ALPK1: variants seen among roughly 807,000 people sequenced by gnomAD.
ALPK1 encodes the protein alpha kinase 1.
ALPK1 carries 110 observed loss-of-function variants against 120.6 expected under a neutral mutation model. The ratio of observed to expected loss-of-function variants is 0.91; its 90% CI spans 0.78 to 1.07. The LOEUF is 1.07. ALPK1 is among the 50% of genes least tolerant of loss of function. The pLI, the probability that ALPK1 is intolerant of heterozygous loss-of-function variation, is 0.00. For synonymous variants in ALPK1, 582 were observed against 560.3 expected (o/e 1.04, Z -0.55); for missense variants, 1,498 against 1,483.9 (o/e 1.01, Z -0.16).
chr4:112,429,521 A>C (rs1357117874), intron 10 of ALPK1, among the ~76,000 whole-genome samples: 3 of 152,026 alleles, frequency 2.0e-5, no homozygotes, highest in African/African-American at 7.2e-5. Flanking sequence ...CATCAAAATC[A>C]CCCAAGGAAC....
intron 2 of ALPK1, among the ~76,000 whole-genome samples, chr4:112,325,692 T>G (rs1729085653): frequency 1.3e-5 from 2 of 152,182 alleles, no homozygotes; most frequent in South Asian, 4.1e-4. Flanking sequence ...TGCCTTCCAG[T>G]CTTCATGAGC....
intron 2 of ALPK1, among the ~76,000 whole-genome samples, chr4:112,371,087 AC>A (rs1267130956): frequency 6.6e-6 from 1 of 152,172 alleles, no homozygotes; most frequent in Non-Finnish European, 1.5e-5. Context: ...TCTATCCAAT[AC>A]CAATATTGCA....
At chr4:112,375,227 C>T (rs376757676) in intron 2 of ALPK1, among the ~76,000 whole-genome samples, 4 of 149,904 alleles carry the variant, frequency 2.7e-5, no homozygotes, top group Middle Eastern at 3.4e-3. Flanking sequence ...GTCACTCAGC[C>T]GGAGTGTAGA....
chr4:112,416,859 G>C (rs1006691000), intron 5 of ALPK1, among the ~76,000 whole-genome samples: 2 of 135,916 alleles, frequency 1.5e-5, no homozygotes, highest in South Asian at 2.3e-4. Context: ...CTGAGTGACA[G>C]AGCAAGACCC....
intron 2 of ALPK1, among the ~76,000 whole-genome samples, chr4:112,342,306 A>C (rs1729897740): frequency 6.6e-6 from 1 of 152,142 alleles, no homozygotes; most frequent in Non-Finnish European, 1.5e-5. Context: ...TGTCTCCTAA[A>C]ACTTCACATG....
intron 4 of ALPK1, among the ~76,000 whole-genome samples, chr4:112,408,056 G>A (rs1733271308): frequency 6.6e-6 from 1 of 151,820 alleles, no homozygotes; most frequent in Admixed American, 6.6e-5. Flanking sequence ...GCAGTGAGCA[G>A]AGATTACACC....
intron 2 of ALPK1, chr4:112,357,201 C>G: frequency 1.3e-6 from 2 of 1,550,172 alleles, no homozygotes; most frequent in Non-Finnish European, 1.8e-6. Flanking sequence ...GCCCAGAGCA[C>G]GTTTCAGACC....
At chr4:112,337,175 A>G (rs1469593247) in intron 2 of ALPK1, among the ~76,000 whole-genome samples, 14 of 152,114 alleles carry the variant, frequency 9.2e-5, no homozygotes, top group Admixed American at 9.2e-4. Context: ...CTTTTTATAA[A>G]TCATTATTTA....
At chr4:112,359,562 C>T in intron 2 of ALPK1, 1 of 247,102 alleles carries the variant, frequency 4.0e-6, no homozygotes, top group Non-Finnish European at 8.1e-6. Flanking sequence ...GCCTCCTATG[C>T]TCACCCACGG....
intron 2 of ALPK1, among the ~76,000 whole-genome samples, chr4:112,348,366 G>T (rs1311519215): frequency 6.6e-6 from 1 of 152,240 alleles, no homozygotes; most frequent in Non-Finnish European, 1.5e-5. Flanking sequence ...AGGCCTCTGT[G>T]CTTTGCACAA....
At chr4:112,418,230 A>G (rs1733829417) in intron 5 of ALPK1, among the ~76,000 whole-genome samples, 2 of 152,212 alleles carry the variant, frequency 1.3e-5, no homozygotes, top group Admixed American at 1.3e-4. Flanking sequence ...AGAAGTCACC[A>G]AGGTTCCATG....
intron 2 of ALPK1, among the ~76,000 whole-genome samples, chr4:112,323,137 C>T (rs1316235248): frequency 6.6e-6 from 1 of 152,226 alleles, no homozygotes; most frequent in Non-Finnish European, 1.5e-5. Flanking sequence ...CTGCCATCCA[C>T]CCCTGCTCCT....
intron 12 of ALPK1, among the ~76,000 whole-genome samples, chr4:112,436,573 A>G (rs1734798867): frequency 6.6e-6 from 1 of 152,176 alleles, no homozygotes; most frequent in African/African-American, 2.4e-5. Context: ...GGAAATTTGG[A>G]GATAGACAAA....
chr4:112,406,191 G>A (rs552506836), intron 4 of ALPK1, among the ~76,000 whole-genome samples: 1 of 152,254 alleles, frequency 6.6e-6, no homozygotes, highest in Admixed American at 6.5e-5. Flanking sequence ...GTCCATGGCA[G>A]CACTATTCAC....
At chr4:112,375,684 G>T (rs1731624843) in intron 2 of ALPK1, among the ~76,000 whole-genome samples, 1 of 151,972 alleles carries the variant, frequency 6.6e-6, no homozygotes, top group Non-Finnish European at 1.5e-5. Context: ...CAGCAATAAG[G>T]CTGTTTCACT....
Position 112,432,046 on chromosome 4 carries a change from A to G in ALPK1, c.2499A>G (p.Arg833=), listed in dbSNP as rs1416472930. Residue 833 remains arginine, a synonymous_variant, in exon 11 of 16, where the codon AGA becomes AGG. Transcript: ENST00000650871. ...GGCCTGTTCAAAATCCTGACTCCAG[A>G]AAAAGTGGTGGCCCAGTCGCAGAGC... ...PNWPVQNPDS[R]KSGGPVAEQG... 1 of 1,613,896 alleles carries G rather than the reference A, an allele frequency of 6.2e-7. No individual in the cohort carries two copies. The highest frequency in any genetic ancestry group is 2.2e-5 in the East Asian group (1 of 44,874).
chr4:112,351,136 G>A (rs1408008981), intron 2 of ALPK1, among the ~76,000 whole-genome samples: 1 of 152,190 alleles, frequency 6.6e-6, no homozygotes, highest in Non-Finnish European at 1.5e-5. Context: ...GAGAGTATGA[G>A]CGGCAGCCTC....
At chr4:112,301,695 T>A (rs973121147) in intron 1 of ALPK1, among the ~76,000 whole-genome samples, 3 of 152,190 alleles carry the variant, frequency 2.0e-5, no homozygotes, top group African/African-American at 7.2e-5. Flanking sequence ...ATTTGATACA[T>A]GGGATACAGA....
Position 112,427,575 on chromosome 4 carries a change from C to T in ALPK1, c.705C>T (p.Leu235=), listed in dbSNP as rs1270015424. 1.9e-6 allele frequency: 3 copies of T among 1,613,628 alleles called. No individual in the cohort carries two copies. Among genetic ancestry groups the T allele is most frequent in the East Asian group, 2.2e-5 (1 of 44,872 alleles). The change falls in exon 9 of 16, where the codon CTC becomes CTT. Residue 235 remains leucine, a synonymous_variant. Transcript: ENST00000650871. ...LALPQPDKKG[L]STSLGILADI... ...TCTTTGTGTTTTTCTTACAGGGCCTCTCCACGTCGCTAGGTATACTGGCAG... is the reference window on the plus strand; with the variant it reads ...TCTTTGTGTTTTTCTTACAGGGCCTTTCCACGTCGCTAGGTATACTGGCAG...
Sources: allele counts gnomAD v4.1 joint callset (sites outside exome capture counted in the v4.1 genomes callset), GRCh38; gene constraint gnomAD v4.1.1; transcripts MANE v1.5; gene names NCBI Gene and HGNC (gene_info 2026-07-23, HGNC 2026-07-21).